Variants in RTL4 observed in about 807,000 individuals in gnomAD.
The protein encoded by RTL4 is retrotransposon Gag-like protein 4.
RTL4 carries 4 observed loss-of-function variants against 5.3 expected under a neutral mutation model. The ratio of observed to expected loss-of-function variants is 0.75; its 90% CI spans 0.37 to 1.72. RTL4 has a LOEUF of 1.72. Ranked by LOEUF, RTL4 falls within the 40% of genes most tolerant of loss-of-function variation. The pLI is 0.04. For synonymous variants in RTL4, 98 were observed against 87.3 expected, an observed-to-expected ratio of 1.12 and a Z score of -0.68; for missense variants, 260 against 227.1, an observed-to-expected ratio of 1.14 and a Z score of -0.93.
the RTL4 span, among the ~76,000 whole-genome samples, chrX:112,113,455 G>A: frequency 2.7e-5 from 3 of 111,680 alleles, no homozygotes; most frequent in Admixed American, 2.8e-4. Context: ...GCTATCCCAG[G>A]ATTCCTTGGA....
At chrX:112,232,279 GT>G in the RTL4 span, among the ~76,000 whole-genome samples, 3 of 111,952 alleles carry the variant, frequency 2.7e-5, no homozygotes, top group African/African-American at 6.5e-5. Context: ...TACGGGGCAA[GT>G]TAGGTCTCCT....
chrX:112,403,209 T>C, the RTL4 span, among the ~76,000 whole-genome samples: 6 of 111,708 alleles, frequency 5.4e-5, no homozygotes, highest in Admixed American at 9.5e-5. Context: ...CTTCTTTCTT[T>C]TTCATTTACT....
At chrX:112,259,332 T>C in the RTL4 span, among the ~76,000 whole-genome samples, 8 of 111,405 alleles carry the variant, frequency 7.2e-5, no homozygotes, top group Admixed American at 2.9e-4. Flanking sequence ...AGAAATCTTA[T>C]ATATTTTTGT....
the RTL4 span, among the ~76,000 whole-genome samples, chrX:112,325,936 A>G: frequency 8.9e-6 from 1 of 112,121 alleles, no homozygotes; most frequent in Admixed American, 9.5e-5. Flanking sequence ...ATCTACAAAG[A>G]ACTCAACACA....
chrX:112,127,373 C>T, the RTL4 span, among the ~76,000 whole-genome samples: 1 of 110,932 alleles, frequency 9.0e-6, no homozygotes, highest in Non-Finnish European at 1.9e-5. Context: ...AATTCAACAA[C>T]CATTCATGAT....
the RTL4 span, among the ~76,000 whole-genome samples, chrX:112,276,079 C>T: frequency 2.7e-5 from 3 of 111,839 alleles, no homozygotes; most frequent in Non-Finnish European, 3.8e-5. Context: ...GGTCTCCATT[C>T]ATTTGTCTCC....
the RTL4 span, among the ~76,000 whole-genome samples, chrX:112,283,448 TA>T: frequency 9.9e-5 from 11 of 111,640 alleles, no homozygotes; most frequent in Non-Finnish European, 1.7e-4. Flanking sequence ...CAACAAAGAC[TA>T]TCAAGAGTAT....
At chrX:112,186,269 A>G in the RTL4 span, among the ~76,000 whole-genome samples, 1 of 112,136 alleles carries the variant, frequency 8.9e-6, no homozygotes, top group Non-Finnish European at 1.9e-5. Context: ...ATATAGGGAA[A>G]GTAATTTTGG....
upstream of RTL4, among the ~76,000 whole-genome samples, chrX:112,450,065 G>A (rs949531816): frequency 8.9e-6 from 1 of 111,945 alleles, no homozygotes; most frequent in Non-Finnish European, 1.9e-5. Flanking sequence ...AACTGCTCTG[G>A]GTAGTTGCAT....
At chrX:112,085,124 G>A in the RTL4 span, among the ~76,000 whole-genome samples, 1 of 112,133 alleles carries the variant, frequency 8.9e-6, no homozygotes, top group African/African-American at 3.2e-5. Context: ...CTTGGGGCTG[G>A]GTGGCTCATC....
the RTL4 span, among the ~76,000 whole-genome samples, chrX:112,110,084 C>A: frequency 8.9e-6 from 1 of 112,130 alleles, no homozygotes; most frequent in South Asian, 3.7e-4. Context: ...GGGGAGAAGC[C>A]ATGTCACCCA....
chrX:112,229,326 T>C, the RTL4 span, among the ~76,000 whole-genome samples: 1 of 112,020 alleles, frequency 8.9e-6, no homozygotes, highest in African/African-American at 3.2e-5. Flanking sequence ...ATCTTTTAAA[T>C]CCTCCCAACA....
At chrX:112,327,146 G>C in the RTL4 span, among the ~76,000 whole-genome samples, 4 of 112,494 alleles carry the variant, frequency 3.6e-5, no homozygotes, top group African/African-American at 9.7e-5. Flanking sequence ...ACGGAACAAA[G>C]CTGGACGGAG....
chrX:112,346,182 A>G, the RTL4 span, among the ~76,000 whole-genome samples: 1 of 111,820 alleles, frequency 8.9e-6, no homozygotes, highest in Non-Finnish European at 1.9e-5. Context: ...TTGTATTTTT[A>G]TAATTTTAAA....
chrX:112,398,402 T>TG, the RTL4 span, among the ~76,000 whole-genome samples: 6 of 93,073 alleles, frequency 6.4e-5, no homozygotes, highest in Non-Finnish European at 1.3e-4. Context: ...CTTTCTTTTT[T>TG]TTTTTTTTTT....
the RTL4 span, among the ~76,000 whole-genome samples, chrX:112,188,098 A>G: frequency 9.0e-6 from 1 of 111,590 alleles, no homozygotes; most frequent in Non-Finnish European, 1.9e-5. Context: ...TTTAATCTTT[A>G]TAATAATCAT....
chrX:112,416,678 CTATT>C, the RTL4 span, among the ~76,000 whole-genome samples: 1 of 112,199 alleles, frequency 8.9e-6, no homozygotes, highest in African/African-American at 3.2e-5. Context: ...AAGGCTATGT[CTATT>C]TATTTCTGCA....
chrX:112,208,799 G>A, the RTL4 span, among the ~76,000 whole-genome samples: 23 of 112,688 alleles, frequency 2.0e-4, no homozygotes, highest in Admixed American at 1.4e-3. Flanking sequence ...GTCCTTGGGA[G>A]AAAGGGCTAT....
At chrX:112,162,338 G>A in the RTL4 span, among the ~76,000 whole-genome samples, 2 of 111,228 alleles carry the variant, frequency 1.8e-5, no homozygotes, top group Non-Finnish European at 3.8e-5. Flanking sequence ...CTCTTTTTTT[G>A]TTTTTTCTCA....
Sources: allele counts gnomAD v4.1 joint callset (sites outside exome capture counted in the v4.1 genomes callset), GRCh38; gene constraint gnomAD v4.1.1; transcripts MANE v1.5; gene names NCBI Gene and HGNC (gene_info 2026-07-23, HGNC 2026-07-21).